The following TSNARE1 variants were observed in gnomAD, a reference collection of about 807,000 sequenced individuals.
TSNARE1 encodes t-SNARE domain-containing protein 1.
In TSNARE1, 49 loss-of-function variants were observed where a neutral mutation model predicts 62.0. That is an observed-to-expected ratio of 0.79 (90% CI 0.63 to 1.00). TSNARE1 has a LOEUF of 1.00. TSNARE1 is among the 50% of genes least tolerant of loss of function. TSNARE1 has a pLI of 0.00. For missense variants in TSNARE1, 755 were observed against 700.1 expected (o/e 1.08, Z -0.88); for synonymous variants, 328 against 294.4 (o/e 1.11, Z -1.17).
chr8:142,250,760 C>A (rs1465967638), intron 12 of TSNARE1, among the ~76,000 whole-genome samples: 1 of 152,230 alleles, frequency 6.6e-6, no homozygotes, highest in Non-Finnish European at 1.5e-5. Flanking sequence ...GGCTGGCCAG[C>A]CCTGCTTCCC....
chr8:142,297,728 C>G, intron 10 of TSNARE1, among the ~76,000 whole-genome samples: 1 of 152,236 alleles, frequency 6.6e-6, no homozygotes, highest in Non-Finnish European at 1.5e-5. Context: ...TGCGTCACAG[C>G]CTCTCATGCG....
chr8:142,266,465 C>T (rs1303814790), intron 12 of TSNARE1, among the ~76,000 whole-genome samples: 1 of 152,170 alleles, frequency 6.6e-6, no homozygotes, highest in Non-Finnish European at 1.5e-5. Flanking sequence ...CTGTATTTTG[C>T]CTTTAATCTT....
intron 1 of TSNARE1, among the ~76,000 whole-genome samples, chr8:142,369,368 G>T (rs891872296): frequency 1.3e-5 from 2 of 152,198 alleles, no homozygotes; most frequent in African/African-American, 4.8e-5. Context: ...TAAGGGGCAT[G>T]CCCATTTCTG....
chr8:142,387,463 T>C (rs1283973808), intron 1 of TSNARE1, among the ~76,000 whole-genome samples: 2 of 152,062 alleles, frequency 1.3e-5, no homozygotes, highest in Non-Finnish European at 2.9e-5. Flanking sequence ...ATTAATTTAA[T>C]TTAAAAATTC....
In TSNARE1 at chr8:142,223,039, C is replaced by CTCACTCATTCACTCACTCACTCAT. The variant is rs1563756569; in HGVS notation, c.*11+6433_*11+6434insATGAGTGAGTGAGTGAATGAGTGA. Among the ~76,000 whole-genome samples, 5 of 92,494 alleles carry CTCACTCATTCACTCACTCACTCAT rather than the reference C, an allele frequency of 5.4e-5. No homozygotes were observed. The South Asian group carries it at 1.1e-3, about 20-fold the overall frequency. The allele number at this position is 92,494 out of a possible 152,430, so 60.7% of individuals were successfully genotyped here. A position where few individuals can be genotyped will look rare whatever the true frequency, so the allele number is the denominator to read the frequency against. ...ACTCACTCAGCCACTCACTCATTCA[C>CTCACTCATTCACTCACTCACTCAT]TCACTCACTCATTCACTCATTCACT... On this transcript the variant is annotated intron_variant, in intron 13 of 13. Coordinates refer to ENST00000524325, the MANE Select transcript of TSNARE1 (RefSeq NM_145003.5).
intron 4 of TSNARE1, among the ~76,000 whole-genome samples, chr8:142,342,138 C>T (rs1832676044): frequency 6.6e-6 from 1 of 152,232 alleles, no homozygotes; most frequent in Non-Finnish European, 1.5e-5. Context: ...TCCCCCACGG[C>T]CCCCAACTGT....
chr8:142,372,376 G>A (rs866737136), intron 1 of TSNARE1, among the ~76,000 whole-genome samples: 24 of 152,340 alleles, frequency 1.6e-4, no homozygotes, highest in Middle Eastern at 3.4e-3. Flanking sequence ...GGAGGGAGAA[G>A]GGAAGGGAAG....
intron 1 of TSNARE1, among the ~76,000 whole-genome samples, chr8:142,401,951 G>C (rs1838322099): frequency 1.3e-5 from 2 of 152,036 alleles, no homozygotes; most frequent in South Asian, 4.2e-4. Context: ...GTCCACACTG[G>C]GAGTATCCTA....
At chr8:142,394,062 C>T (rs892256745) in intron 1 of TSNARE1, among the ~76,000 whole-genome samples, 8 of 152,234 alleles carry the variant, frequency 5.3e-5, no homozygotes, top group Non-Finnish European at 1.0e-4. Flanking sequence ...GCTCTGCCCA[C>T]GCTGGCTGCC....
chr8:142,340,819 C>CT (rs1832485056), intron 4 of TSNARE1, among the ~76,000 whole-genome samples: 2 of 152,246 alleles, frequency 1.3e-5, no homozygotes, highest in South Asian at 4.1e-4. Flanking sequence ...CAGGCAGGGC[C>CT]TGCAGTCTGC....
At chr8:142,358,506 G>A (rs1008478638) in intron 1 of TSNARE1, among the ~76,000 whole-genome samples, 1 of 151,916 alleles carries the variant, frequency 6.6e-6, no homozygotes, top group Non-Finnish European at 1.5e-5. Flanking sequence ...ATGGAGGGGA[G>A]TGAAGATTTG....
At chr8:142,344,818 C>A (rs1256435891) in intron 3 of TSNARE1, among the ~76,000 whole-genome samples, 1 of 152,236 alleles carries the variant, frequency 6.6e-6, no homozygotes, top group Non-Finnish European at 1.5e-5. Flanking sequence ...GGGTTTCCTG[C>A]CCTCAGGCCA....
intron 4 of TSNARE1, among the ~76,000 whole-genome samples, chr8:142,339,699 A>G (rs989670370): frequency 6.6e-6 from 1 of 152,248 alleles, no homozygotes; most frequent in African/African-American, 2.4e-5. Context: ...AGCATAGGGC[A>G]GCTCCTGCCC....
chr8:142,383,487 G>A (rs1034829208), intron 1 of TSNARE1, among the ~76,000 whole-genome samples: 4 of 152,140 alleles, frequency 2.6e-5, no homozygotes, highest in African/African-American at 9.7e-5. Flanking sequence ...CTGGCCAGGC[G>A]CTGTCCGTGG....
chr8:142,263,499 G>A (rs1275982350), intron 12 of TSNARE1, among the ~76,000 whole-genome samples: 7 of 152,158 alleles, frequency 4.6e-5, no homozygotes, highest in Non-Finnish European at 5.9e-5. Flanking sequence ...TCCCCTTCTC[G>A]TGTGCTTGTT....
chr8:142,291,509 C>A lies in TSNARE1; in HGVS notation c.1291-7024G>T, dbSNP rs182701453. ...CCAGGATAGAAACACACTCACCCAG[C>A]CCCCGACCCAGCCCTCCTCCACCCA... On this transcript the variant is annotated intron_variant, in intron 10 of 13. Transcript: ENST00000524325. The surrounding 1 kb of genome is among the most constrained non-coding windows in gnomAD (Gnocchi z 4.8). Among the ~76,000 whole-genome samples, 817 of 152,194 alleles carry A rather than the reference C, an allele frequency of 5.4e-3. 7 individuals are homozygous for A. Among genetic ancestry groups the A allele is most frequent in the Non-Finnish European group, 7.7e-3 (525 of 68,006 alleles).
upstream of TSNARE1, chr8:142,403,908 C>T (rs563837018): frequency 2.6e-5 from 4 of 152,412 alleles, no homozygotes; most frequent in African/African-American, 9.6e-5. Context: ...CCTCGCTCTC[C>T]CGGTGACCTG....
At position 142,227,058 on chromosome 8, in the gene TSNARE1, C is replaced by A. The variant is rs375903763; in HGVS notation, c.*11+2415G>T. Among the ~76,000 whole-genome samples, 95 of 129,706 alleles carry A rather than the reference C, an allele frequency of 7.3e-4. 2 individuals are homozygous for A. The highest frequency in any genetic ancestry group is 3.3e-3 in the African/African-American group (81 of 24,344). The allele number at this position is 129,706 out of a possible 152,430, so 85.1% of individuals were successfully genotyped here. ...CCACACAGCAGTGACAGCCAGGCCC[C>A]CCACTGCACCCACACAGCAGTGACA... On this transcript the variant is annotated intron_variant, in intron 13 of 13. Coordinates refer to ENST00000524325, the MANE Select transcript of TSNARE1 (RefSeq NM_145003.5).
At chr8:142,276,259 A>G in intron 11 of TSNARE1, 4 of 985,364 alleles carry the variant, frequency 4.1e-6, no homozygotes, top group Non-Finnish European at 4.8e-6. Context: ...TCACTTGCAG[A>G]CAGCCCCCAA....
Sources: gnomAD v4.1 joint callset for allele counts (sites outside exome capture counted in the v4.1 genomes callset) on GRCh38, gnomAD v4.1.1 for gene constraint, Gnocchi (gnomAD v3.1) non-coding constraint, MANE v1.5 for transcripts, NCBI Gene and HGNC (gene_info 2026-07-23, HGNC 2026-07-21) for gene names.